Variants in SLC22A16 observed in about 807,000 individuals in gnomAD.
SLC22A16 encodes the protein solute carrier family 22 member 16.
A neutral mutation model predicts 52.9 loss-of-function variants in SLC22A16; 53 were observed. That is an observed-to-expected ratio of 1.00 (90% confidence interval 0.80 to 1.26). The LOEUF (loss-of-function observed/expected upper bound fraction) is 1.26, where lower values mean the gene tolerates loss of function less well. Ranked by LOEUF, SLC22A16 falls within the 50% of genes most tolerant of loss-of-function variation. SLC22A16 has a pLI of 0.00. For synonymous variants in SLC22A16, 291 were observed against 268.8 expected, an observed-to-expected ratio of 1.08 and a Z score of -0.81; for missense variants, 726 against 704.0, an observed-to-expected ratio of 1.03 and a Z score of -0.35.
chr6:110,459,443 T>TA (rs1775785490), intron 1 of SLC22A16, among the ~76,000 whole-genome samples: 1 of 151,970 alleles, frequency 6.6e-6, no homozygotes, highest in South Asian at 2.1e-4. Flanking sequence ...TTTAATAATT[T>TA]AAAAAAAGAC....
At chr6:110,457,594 C>T (rs569243136) in intron 1 of SLC22A16, among the ~76,000 whole-genome samples, 14 of 152,236 alleles carry the variant, frequency 9.2e-5, no homozygotes, top group East Asian at 1.9e-4. Flanking sequence ...TATCACCAAT[C>T]ATTAGTTTGT....
Position 110,454,762 on chromosome 6 carries a change from T to TTA in SLC22A16, c.533+1774_533+1775dup, listed in dbSNP as rs1439158762. On this transcript the variant is annotated intron_variant, in intron 2 of 7. Transcript: ENST00000368919. ...ATAATATATATATTATTATATACAT[T>TTA]TATATATATAAATATATATAAATAT... Among the ~76,000 whole-genome samples, 24 of 65,990 alleles carry TTA rather than the reference T, an allele frequency of 3.6e-4. 2 individuals carry two copies. The South Asian group carries it at 9.0e-3, about 25-fold the overall frequency. 43.3% of individuals were successfully genotyped at this position (65,990 alleles called of 152,430 possible).
At chr6:110,446,784 C>A in intron 3 of SLC22A16, 89 bp downstream of exon 3, 1 of 1,134,670 alleles carries the variant, frequency 8.8e-7, no homozygotes, top group South Asian at 1.5e-5. Context: ...TGATCTCGCT[C>A]ACTAGATCTT....
intron 2 of SLC22A16, 118 bp from the exon 3 acceptor site, chr6:110,447,108 ATTGT>A (rs1158571452): frequency 6.6e-6 from 5 of 754,256 alleles, no homozygotes; most frequent in Non-Finnish European, 1.1e-5. Context: ...TTATGTATTG[ATTGT>A]TTTTCTTTTA....
chr6:110,460,685 T>C (rs1184820076), intron 1 of SLC22A16, among the ~76,000 whole-genome samples: 1 of 152,174 alleles, frequency 6.6e-6, no homozygotes, highest in Non-Finnish European at 1.5e-5. Flanking sequence ...ACCATACTGG[T>C]TGTGCACCTG....
At chr6:110,451,611 T>G (rs1775383512) in intron 2 of SLC22A16, among the ~76,000 whole-genome samples, 1 of 152,254 alleles carries the variant, frequency 6.6e-6, no homozygotes, top group Non-Finnish European at 1.5e-5. Context: ...TCTATTGGAT[T>G]GTCTTTTTCC....
At chr6:110,433,295 C>T (rs1335537888) in intron 6 of SLC22A16, among the ~76,000 whole-genome samples, 1 of 152,154 alleles carries the variant, frequency 6.6e-6, no homozygotes, top group Non-Finnish European at 1.5e-5. Context: ...ATTCTTCCAT[C>T]CCTCCATCCA....
Position 110,432,391 on chromosome 6 carries a change from C to T in SLC22A16, c.1422-1121G>A, listed in dbSNP as rs9487406. 8.1e-3 allele frequency among the ~76,000 whole-genome samples: 1,233 copies of T among 152,282 alleles called. 16 individuals are homozygous for T. The highest frequency in any genetic ancestry group is 0.028 in the African/African-American group (1,170 of 41,558). On this transcript the variant is annotated intron_variant, in intron 6 of 7. Coordinates refer to ENST00000368919, the MANE Select transcript of SLC22A16 (RefSeq NM_033125.4). ...AAAAATACTATAATATTCATAATTG[C>T]AATGCACATTGACATTATTTGATGG...
intron 7 of SLC22A16, among the ~76,000 whole-genome samples, chr6:110,426,429 C>G (rs1774258039): frequency 6.6e-6 from 1 of 152,046 alleles, no homozygotes. Context: ...CTTCCCTGAC[C>G]AGCTCCCCAC....
At chr6:110,429,786 G>A (rs868480808) in intron 7 of SLC22A16, among the ~76,000 whole-genome samples, 4 of 152,126 alleles carry the variant, frequency 2.6e-5, no homozygotes, top group Non-Finnish European at 4.4e-5. Context: ...GAGAGGCGGG[G>A]TCACTAGATC....
At chr6:110,440,969 A>G (rs1261771847) in intron 4 of SLC22A16, among the ~76,000 whole-genome samples, 1 of 152,238 alleles carries the variant, frequency 6.6e-6, no homozygotes, top group East Asian at 1.9e-4. Context: ...TTCTGCTGAA[A>G]TTGAAGCAAG....
intron 1 of SLC22A16, among the ~76,000 whole-genome samples, chr6:110,471,485 G>T (rs540456675): frequency 6.6e-6 from 1 of 152,210 alleles, no homozygotes; most frequent in Non-Finnish European, 1.5e-5. Flanking sequence ...CAGTCTAAAC[G>T]TCTGTTGACA....
intron 7 of SLC22A16, among the ~76,000 whole-genome samples, chr6:110,426,918 C>G (rs1057031064): frequency 1.3e-5 from 2 of 151,478 alleles, no homozygotes; most frequent in Non-Finnish European, 2.9e-5. Context: ...CCACTGAACT[C>G]CAGCCTGGGC....
In SLC22A16 at chr6:110,457,209, G is replaced by A. The variant is rs184912501; in HGVS notation, c.54-192C>T. Among the ~76,000 whole-genome samples the A allele has an allele frequency of 4.3e-3, 656 of 152,200 alleles. 6 individuals carry two copies. The highest frequency in any genetic ancestry group is 0.015 in the African/African-American group (612 of 41,508). ...ATTACTTAGCTCCATCTACTGAGAA[G>A]GCCTAGAAGCAATGACATCCCAAGA... On this transcript the variant is annotated intron_variant, in intron 1 of 7. Coordinates refer to ENST00000368919, the MANE Select transcript of SLC22A16 (RefSeq NM_033125.4).
chr6:110,457,626 T>C (rs1775715274), intron 1 of SLC22A16, among the ~76,000 whole-genome samples: 2 of 152,170 alleles, frequency 1.3e-5, no homozygotes, highest in Admixed American at 6.5e-5. Flanking sequence ...TTTATTTCAA[T>C]ACTATAATAA....
In SLC22A16 at chr6:110,435,965, A is replaced by G; in HGVS notation, c.1312-4T>C. 6.2e-7 allele frequency: 1 copy of G among 1,600,856 alleles called. No individual in the cohort carries two copies. ...CCACACCCAAAATATAATGTTTCTGAAAAAAATTTAGCAGAATAGATCATC... is the reference window on the plus strand; with the variant it reads ...CCACACCCAAAATATAATGTTTCTGGAAAAAATTTAGCAGAATAGATCATC... On this transcript the variant is annotated splice_polypyrimidine_tract_variant and splice_region_variant and intron_variant, in intron 5 of 7. Coordinates refer to ENST00000368919, the MANE Select transcript of SLC22A16 (RefSeq NM_033125.4).
At chr6:110,461,636 G>T (rs1340677552) in intron 1 of SLC22A16, among the ~76,000 whole-genome samples, 1 of 152,130 alleles carries the variant, frequency 6.6e-6, no homozygotes, top group East Asian at 1.9e-4. Context: ...CCCTACAGAA[G>T]ATAGTGTGTC....
intron 2 of SLC22A16, among the ~76,000 whole-genome samples, chr6:110,455,033 AAT>A (rs981473624): frequency 3.9e-5 from 5 of 127,094 alleles, no homozygotes; most frequent in African/African-American, 8.9e-5. Context: ...TAATTTCACT[AAT>A]ATATTTTTTA....
At chr6:110,469,188 C>T (rs1165192201) in intron 1 of SLC22A16, among the ~76,000 whole-genome samples, 2 of 152,188 alleles carry the variant, frequency 1.3e-5, no homozygotes, top group African/African-American at 4.8e-5. Context: ...CCTGCCTGTA[C>T]TGTACGTGGC....
Sources: gnomAD v4.1 joint callset for allele counts (sites outside exome capture counted in the v4.1 genomes callset) on GRCh38, gnomAD v4.1.1 for gene constraint, MANE v1.5 for transcripts, NCBI Gene and HGNC (gene_info 2026-07-23, HGNC 2026-07-21) for gene names.